The following HMCN1 variants were observed in gnomAD, a reference collection of about 807,000 sequenced individuals.
The protein encoded by HMCN1 is hemicentin-1.
HMCN1 carries 321 observed loss-of-function variants against 625.9 expected under a neutral mutation model. That is an observed-to-expected ratio of 0.51 (90% confidence interval 0.47 to 0.56). The LOEUF (loss-of-function observed/expected upper bound fraction) is 0.56. HMCN1 is among the 20% of genes least tolerant of loss of function. HMCN1 has a pLI of 0.00. For missense variants in HMCN1, 6,588 were observed against 6,887.3 expected (o/e 0.96, Z 1.54); for synonymous variants, 2,425 against 2,417.6 (o/e 1.00, Z -0.09).
chr1:185,889,916 T>C (rs1664939926), intron 4 of HMCN1, among the ~76,000 whole-genome samples: 1 of 148,182 alleles, frequency 6.7e-6, no homozygotes, highest in South Asian at 2.1e-4. Flanking sequence ...TCTGGTAGAA[T>C]TCGGCTGTGA....
intron 63 of HMCN1, among the ~76,000 whole-genome samples, chr1:186,089,091 G>A (rs1659695206): frequency 6.6e-6 from 1 of 151,900 alleles, no homozygotes; most frequent in South Asian, 2.1e-4. Context: ...CTATAGATCT[G>A]TTCTTACTTG....
intron 1 of HMCN1, among the ~76,000 whole-genome samples, chr1:185,779,288 C>T (rs530933391): frequency 6.6e-5 from 10 of 152,088 alleles, no homozygotes; most frequent in African/African-American, 2.4e-4. Flanking sequence ...TTCTCCCATT[C>T]TGTAGGTTGC....
chr1:186,132,482 T>C (rs553857400), intron 86 of HMCN1, 73 bp downstream of exon 86: 1 of 1,221,570 alleles, frequency 8.2e-7, no homozygotes, highest in African/African-American at 1.6e-5. Context: ...TTTATTTTCT[T>C]TAACTCTATA....
intron 18 of HMCN1, among the ~76,000 whole-genome samples, chr1:185,983,770 A>G (rs755632419): frequency 1.3e-5 from 2 of 152,206 alleles, no homozygotes; most frequent in Non-Finnish European, 2.9e-5. Context: ...CTATGTGCCA[A>G]AATAAAAATA....
At chr1:185,858,262 C>T (rs890193436) in intron 2 of HMCN1, among the ~76,000 whole-genome samples, 4 of 151,800 alleles carry the variant, frequency 2.6e-5, no homozygotes, top group African/African-American at 4.8e-5. Flanking sequence ...GTCTTATTAC[C>T]GAGAAAAGTA....
rs1448656171 is a variant in HMCN1 at position 186,137,886 on chromosome 1, G to A, written c.13838G>A (p.Cys4613Tyr). The change falls in exon 89 of 107, where the codon TGC becomes TAC. Residue 4613 changes from cysteine to tyrosine, a missense_variant. Physicochemically the swap from Cys to Tyr is radical, Grantham distance 194. Transcript: ENST00000271588. The stretch of plus-strand genomic sequence containing the variant: ...GGCAACCAAACCAGGACCAGGACTT[G>A]CAATAATCCATCAGTTCAGCATGGT... ...GRGNQTRTRTCNNPSVQHGGR... is the reference protein window; with the variant it reads ...GRGNQTRTRTYNNPSVQHGGR... 1 of 1,613,986 alleles carries A rather than the reference G, an allele frequency of 6.2e-7. No individual in the cohort carries two copies. Among genetic ancestry groups the A allele is most frequent in the Non-Finnish European group, 8.5e-7 (1 of 1,179,992 alleles).
At position 186,144,622 on chromosome 1, in the gene HMCN1, G is replaced by C; in HGVS notation, c.14185G>C (p.Asp4729His). The C allele has an allele frequency of 6.2e-7, 1 of 1,614,104 alleles. No individual in the cohort carries two copies. Among genetic ancestry groups the C allele is most frequent in the South Asian group, 1.1e-5 (1 of 91,086 alleles). ...CAGACAGAGAACAAGGGGCTGCTCC[G>C]ACCCTGTGCCCCAGTATGGAGGAAG... ...GARQRTRGCS[D>H]PVPQYGGRKC... The change falls in exon 91 of 107, where the codon GAC (aspartate) becomes CAC (histidine). Residue 4729 changes from aspartate (D) to histidine (H), a missense_variant. Physicochemically the swap from Asp to His is moderately conservative, Grantham distance 81. Around this residue, in one of 3 missense-constraint regions of HMCN1, gnomAD observed 1,954 missense variants for 2,013.1 expected, o/e 0.97. Transcript: ENST00000271588.
intron 89 of HMCN1, among the ~76,000 whole-genome samples, chr1:186,139,975 C>G (rs1029334397): frequency 3.9e-5 from 6 of 152,064 alleles, no homozygotes; most frequent in Admixed American, 2.0e-4. Context: ...CAGTTCATTT[C>G]TAACAATGTT....
chr1:185,859,019 ATGTGTGTGTGTGTGTGTG>A (rs71101981), intron 2 of HMCN1, among the ~76,000 whole-genome samples: 6 of 140,008 alleles, frequency 4.3e-5, no homozygotes, highest in South Asian at 2.4e-4. Context: ...TGGGTTAAAG[ATGTGTGTGTGTGTGTGTG>A]TGTGTGTGTG....
chr1:185,745,622 C>G (rs948558452), intron 1 of HMCN1, among the ~76,000 whole-genome samples: 3 of 152,164 alleles, frequency 2.0e-5, no homozygotes, highest in African/African-American at 7.2e-5. Context: ...TTAAAATATT[C>G]TGACAGTGTC....
intron 68 of HMCN1, among the ~76,000 whole-genome samples, chr1:186,102,048 G>C (rs911165678): frequency 1.3e-5 from 2 of 152,074 alleles, no homozygotes; most frequent in African/African-American, 2.4e-5. Context: ...TGAAGTCTAG[G>C]TTACATATAA....
intron 1 of HMCN1, among the ~76,000 whole-genome samples, chr1:185,803,081 G>A (rs911502754): frequency 3.3e-5 from 5 of 150,938 alleles, no homozygotes; most frequent in African/African-American, 1.2e-4. Context: ...TCTATGCATA[G>A]AGGATTGTCA....
chr1:185,895,679 A>T (rs182432269), intron 4 of HMCN1, among the ~76,000 whole-genome samples: 1 of 152,180 alleles, frequency 6.6e-6, no homozygotes, highest in Non-Finnish European at 1.5e-5. Context: ...ACCATGATGA[A>T]TTTCCAAATA....
chr1:185,837,420 A>G (rs866551435), intron 1 of HMCN1, among the ~76,000 whole-genome samples: 39 of 151,632 alleles, frequency 2.6e-4, no homozygotes, highest in African/African-American at 8.7e-4. Context: ...TTTTCCTTTC[A>G]TGTAGTGTTT....
chr1:185,794,075 A>C (rs1571360413), intron 1 of HMCN1, among the ~76,000 whole-genome samples: 1 of 152,260 alleles, frequency 6.6e-6, no homozygotes, highest in East Asian at 1.9e-4. Flanking sequence ...TGATAAGTAC[A>C]CAGCTCTGGG....
At chr1:185,885,530 C>CT (rs150151851) in intron 4 of HMCN1, among the ~76,000 whole-genome samples, 8,169 of 148,576 alleles carry the variant, frequency 0.055, 776 homozygotes, top group African/African-American at 0.19. Flanking sequence ...TTTTTTTTTC[C>CT]TTTTCTCTAA....
chr1:185,998,324 A>G (rs908423018), intron 25 of HMCN1, among the ~76,000 whole-genome samples: 1 of 152,170 alleles, frequency 6.6e-6, no homozygotes, highest in East Asian at 1.9e-4. Context: ...GGCAGCGGCA[A>G]CTGAAGGCCC....
chr1:185,970,408 A>C lies in HMCN1; in HGVS notation c.2286A>C (p.Thr762=). ...PLLGLLKIQE[T]QDLDAGDYTC... is the part of the protein sequence containing the mutation. ...TGGGACTTTTGAAGATTCAAGAAAC[A>C]CAAGATCTGGATGCTGGCGATTATA... The change falls in exon 15 of 107, where the codon ACA becomes ACC. Residue 762 remains threonine (T), a synonymous_variant. Transcript: ENST00000271588. 6.2e-7 allele frequency: 1 copy of C among 1,613,708 alleles called. No homozygotes were observed. Among genetic ancestry groups the C allele is most frequent in the Non-Finnish European group, 8.5e-7 (1 of 1,179,582 alleles).
At chr1:186,160,558 A>G (rs1571439394) in intron 97 of HMCN1, among the ~76,000 whole-genome samples, 2 of 151,800 alleles carry the variant, frequency 1.3e-5, no homozygotes, top group Non-Finnish European at 2.9e-5. Flanking sequence ...GTGGGCATTT[A>G]GTGCTATAAA....
Sources: allele counts gnomAD v4.1 joint callset (sites outside exome capture counted in the v4.1 genomes callset), GRCh38; gene constraint gnomAD v4.1.1; regional missense constraint gnomAD v4.1.1; transcripts MANE v1.5; gene names NCBI Gene and HGNC (gene_info 2026-07-23, HGNC 2026-07-21).